Variants in MALRD1 observed in about 807,000 individuals in gnomAD.
The protein encoded by MALRD1 is MAM and LDL receptor class A domain containing 1, also known as MAM and LDL-receptor class A domain-containing protein 1.
MALRD1 carries 247 observed loss-of-function variants against 242.1 expected under a neutral mutation model. The observed-to-expected ratio is 1.02, with a 90% CI of 0.92 to 1.13. The LOEUF is 1.13. Among genes scored for constraint, MALRD1 ranks in the 50% most tolerant of loss-of-function variants. MALRD1 has a pLI of 0.00. For missense variants in MALRD1, 2,989 were observed against 2,533.1 expected (o/e 1.18, Z -3.86); for synonymous variants, 995 against 866.6 (o/e 1.15, Z -2.60).
intron 32 of MALRD1, among the ~76,000 whole-genome samples, chr10:19,547,814 ATATATTTTTTT>A (rs1371686672): frequency 2.2e-4 from 3 of 13,902 alleles, no homozygotes; most frequent in South Asian, 3.4e-3. Flanking sequence ...ATATATATAT[ATATATTTTTTT>A]TTTTTTTTTT....
chr10:19,274,110 G>A (rs1840386619), intron 19 of MALRD1, among the ~76,000 whole-genome samples: 1 of 152,146 alleles, frequency 6.6e-6, no homozygotes, highest in Admixed American at 6.5e-5. Context: ...CTATGATGTA[G>A]CAATGCTACT....
At chr10:19,138,957 C>G (rs1490375129) in intron 10 of MALRD1, among the ~76,000 whole-genome samples, 1 of 152,114 alleles carries the variant, frequency 6.6e-6, no homozygotes, top group Non-Finnish European at 1.5e-5. Flanking sequence ...TCAACAAAAA[C>G]AGTGTTACTT....
At chr10:19,249,490 G>C (rs1007974756) in intron 18 of MALRD1, among the ~76,000 whole-genome samples, 1 of 151,846 alleles carries the variant, frequency 6.6e-6, no homozygotes, top group Admixed American at 6.6e-5. Flanking sequence ...AACAGTTTTA[G>C]TTGAAAGGGG....
At chr10:19,595,725 G>A (rs11010622) in intron 34 of MALRD1, among the ~76,000 whole-genome samples, 4,306 of 152,150 alleles carry the variant, frequency 0.028, 164 homozygotes, top group African/African-American at 0.09. Flanking sequence ...GGGAGATGCC[G>A]TTATGTGTTC....
chr10:19,347,953 C>T lies in MALRD1; in HGVS notation c.4084C>T (p.Gln1362Ter). 6.5e-7 allele frequency: 1 copy of T among 1,550,322 alleles called. No individual in the cohort carries two copies. Among genetic ancestry groups the T allele is most frequent in the Non-Finnish European group, 8.7e-7 (1 of 1,146,808 alleles). Residue 1362 changes from glutamine (Q) to a stop codon, truncating the protein, a stop_gained, in exon 25 of 40, where the codon CAG (glutamine) becomes TAG (stop). Coordinates refer to ENST00000454679, the MANE Select transcript of MALRD1 (RefSeq NM_001142308.3). LOFTEE classifies it high-confidence loss of function. ...HYIFIKSLFP[Q>*]QPMRAARISS... ...CATCTTTATAAAGAGTTTGTTTCCT[C>T]AGCAGCCCATGAGAGCTGCCAGAAT... is the stretch of plus-strand genomic sequence containing the variant.
At chr10:19,421,680 TA>T (rs747967024) in intron 28 of MALRD1, among the ~76,000 whole-genome samples, 5 of 152,222 alleles carry the variant, frequency 3.3e-5, no homozygotes, top group Middle Eastern at 3.2e-3. Context: ...TTAATAAGGT[TA>T]AAAACATCAT....
chr10:19,087,866 G>C lies in MALRD1; in HGVS notation c.367G>C (p.Val123Leu), dbSNP rs1323457624. The change falls in exon 3 of 40, where the codon GTG (valine) becomes CTG (leucine). Residue 123 changes from valine (V) to leucine (L), a missense_variant. Coordinates refer to ENST00000454679, the MANE Select transcript of MALRD1 (RefSeq NM_001142308.3). ...SAHFLSLVSR[V>L]DSISSSLRSR... ...TCACTTCCTCTCACTGGTTTCCAGAGTGGATTCTATTTCCTCAAGTTTAAG... is the reference window on the plus strand; with the variant it reads ...TCACTTCCTCTCACTGGTTTCCAGACTGGATTCTATTTCCTCAAGTTTAAG... 4.1e-6 allele frequency: 5 copies of C among 1,232,972 alleles called. No homozygotes were observed. The African/African-American group carries it at 6.2e-5, about 15-fold the overall frequency. The allele number at this position is 1,232,972 out of a possible 1,614,324, so 76.4% of individuals were successfully genotyped here.
At chr10:19,319,059 A>G (rs1842816524) in intron 21 of MALRD1, among the ~76,000 whole-genome samples, 1 of 152,032 alleles carries the variant, frequency 6.6e-6, no homozygotes, top group Non-Finnish European at 1.5e-5. Context: ...TAAATGTTAT[A>G]TTCATTTAAC....
intron 33 of MALRD1, among the ~76,000 whole-genome samples, chr10:19,579,765 C>G (rs991589097): frequency 5.3e-5 from 8 of 152,086 alleles, no homozygotes; most frequent in African/African-American, 1.7e-4. Context: ...GTTGGAGAAC[C>G]ATTTTTGAGC....
intron 17 of MALRD1, among the ~76,000 whole-genome samples, chr10:19,207,938 A>G (rs562273962): frequency 6.6e-6 from 1 of 152,350 alleles, no homozygotes; most frequent in South Asian, 2.1e-4. Context: ...GGTGACACTT[A>G]AACACAGGCA....
At chr10:19,713,079 C>T (rs982863732) in intron 38 of MALRD1, among the ~76,000 whole-genome samples, 16 of 152,028 alleles carry the variant, frequency 1.1e-4, no homozygotes, top group African/African-American at 3.9e-4. Context: ...GGAGGAGACC[C>T]CCTCCCTCTG....
chr10:19,126,506 T>C (rs765576737), intron 7 of MALRD1, among the ~76,000 whole-genome samples: 3 of 152,140 alleles, frequency 2.0e-5, no homozygotes, highest in Non-Finnish European at 4.4e-5. Flanking sequence ...GCATTTAATT[T>C]AAAGTCTTAA....
chr10:19,728,041 A>C (rs552119802), intron 38 of MALRD1, among the ~76,000 whole-genome samples: 2 of 152,334 alleles, frequency 1.3e-5, no homozygotes, highest in Admixed American at 1.3e-4. Context: ...CTTATAAATA[A>C]ATAGGAAAGA....
At chr10:19,648,855 G>A (rs1282400743) in intron 36 of MALRD1, among the ~76,000 whole-genome samples, 1 of 152,122 alleles carries the variant, frequency 6.6e-6, no homozygotes, top group Non-Finnish European at 1.5e-5. Flanking sequence ...ATAAAGACCA[G>A]TACCCAATAG....
At chr10:19,282,043 A>G (rs1453588540) in intron 20 of MALRD1, among the ~76,000 whole-genome samples, 3 of 151,690 alleles carry the variant, frequency 2.0e-5, no homozygotes, top group Non-Finnish European at 4.4e-5. Flanking sequence ...ACAATACATT[A>G]TGGTTGACTC....
chr10:19,327,606 A>G lies in MALRD1; in HGVS notation c.3620A>G (p.Gln1207Arg). The G allele has an allele frequency of 6.5e-7, 1 of 1,550,042 alleles. No individual in the cohort carries two copies. Among genetic ancestry groups the G allele is most frequent in the Non-Finnish European group, 8.7e-7 (1 of 1,146,442 alleles). ...KDNVTSKLWA[Q>R]TGQQGAQWKR... is the part of the protein sequence containing the mutation. Reference sequence around the variant, plus strand: ...AACGTTACTTCTAAATTGTGGGCTCAAACTGGACAGCAAGGTGCACAGTGG... The same window carrying G: ...AACGTTACTTCTAAATTGTGGGCTCGAACTGGACAGCAAGGTGCACAGTGG... Residue 1207 changes from glutamine to arginine, a missense_variant, in exon 23 of 40, where the codon CAA becomes CGA. By Grantham distance (43) the Gln-to-Arg change is conservative. Transcript: ENST00000454679.
At chr10:19,697,537 C>T (rs1378398533) in intron 38 of MALRD1, among the ~76,000 whole-genome samples, 2 of 152,114 alleles carry the variant, frequency 1.3e-5, no homozygotes, top group African/African-American at 4.8e-5. Flanking sequence ...CAAGTTAACA[C>T]AAAAAGTTTA....
chr10:19,471,274 TG>T (rs1836479185), intron 29 of MALRD1, among the ~76,000 whole-genome samples: 1 of 151,966 alleles, frequency 6.6e-6, no homozygotes, highest in African/African-American at 2.4e-5. Context: ...CTCTTGATTA[TG>T]TTCCATTGGT....
intron 10 of MALRD1, among the ~76,000 whole-genome samples, chr10:19,142,040 T>C (rs918580603): frequency 4.0e-5 from 6 of 151,690 alleles, no homozygotes; most frequent in Non-Finnish European, 5.9e-5. Context: ...GGCGTTGTGG[T>C]GGGCGCCTGT....
Sources: gnomAD v4.1 joint callset for allele counts (sites outside exome capture counted in the v4.1 genomes callset) on GRCh38, gnomAD v4.1.1 for gene constraint, MANE v1.5 for transcripts, NCBI Gene and HGNC (gene_info 2026-07-23, HGNC 2026-07-21) for gene names.